Variants in BARX2 observed in about 807,000 individuals in gnomAD.
BARX2 encodes the protein homeobox protein BarH-like 2.
A neutral mutation model predicts 25.5 loss-of-function variants in BARX2; 11 were observed. The ratio of observed to expected loss-of-function variants is 0.43; its 90% CI spans 0.27 to 0.71. BARX2 has a LOEUF of 0.71. BARX2 is among the 30% of genes least tolerant of loss of function. BARX2 has a pLI of 0.19. For missense variants in BARX2, 360 were observed against 359.9 expected (o/e 1.00, Z 0.00); for synonymous variants, 137 against 149.5 (o/e 0.92, Z 0.61).
At chr11:129,422,489 G>T (rs1229909817) in intron 1 of BARX2, among the ~76,000 whole-genome samples, 1 of 151,736 alleles carries the variant, frequency 6.6e-6, no homozygotes, top group African/African-American at 2.4e-5. Context: ...CATTGAGATG[G>T]GGTCTCACTA....
At position 129,390,703 on chromosome 11, in the gene BARX2, C is replaced by T. The variant is rs1043161822; in HGVS notation, c.187+14481C>T. 1.3e-5 allele frequency among the ~76,000 whole-genome samples: 2 copies of T among 152,160 alleles called. No homozygotes were observed. Among genetic ancestry groups the T allele is most frequent in the African/African-American group, 4.8e-5 (2 of 41,434 alleles). ...TTGGAAATGGCCCTGTGAGTACGTGCTTATTTTCAGAGGCGTTCCCCATAA... is the reference window on the plus strand; with the variant it reads ...TTGGAAATGGCCCTGTGAGTACGTGTTTATTTTCAGAGGCGTTCCCCATAA... On this transcript the variant is annotated intron_variant, in intron 1 of 3. Transcript: ENST00000281437. The surrounding 1 kb of genome is among the most constrained non-coding windows in gnomAD (Gnocchi z 4.3).
At chr11:129,433,213 C>T (rs113466035) in intron 1 of BARX2, among the ~76,000 whole-genome samples, 54 of 152,276 alleles carry the variant, frequency 3.5e-4, no homozygotes, top group African/African-American at 1.1e-3. Flanking sequence ...AAGACCAAAA[C>T]GTCAGGCCTC....
chr11:129,381,805 AG>A (rs1261154976), intron 1 of BARX2, among the ~76,000 whole-genome samples: 2 of 152,216 alleles, frequency 1.3e-5, no homozygotes, highest in African/African-American at 4.8e-5. Context: ...AGGAAAAAAA[AG>A]AAGGGAAGAA....
chr11:129,451,429 A>T lies in BARX2; in HGVS notation c.*27A>T, dbSNP rs774455156. 3.1e-6 allele frequency: 5 copies of T among 1,599,550 alleles called. No homozygotes were observed. The highest frequency in any genetic ancestry group is 3.4e-6 in the Non-Finnish European group (4 of 1,169,780). On this transcript the variant is annotated 3_prime_UTR_variant, in exon 4 of 4. Transcript: ENST00000281437. ...GTAAAACCCTTTTGAGGGAAGAGGG[A>T]GACTGGGGAGAAGGGAAAAGAGAGA... is the stretch of plus-strand genomic sequence containing the variant.
intron 1 of BARX2, among the ~76,000 whole-genome samples, chr11:129,422,383 C>T (rs541828449): frequency 6.6e-6 from 1 of 152,240 alleles, no homozygotes; most frequent in East Asian, 1.9e-4. Context: ...ACTGCCTCCT[C>T]CAACTCCTCG....
Position 129,433,908 on chromosome 11 carries a change from A to C in BARX2, c.188-2843A>C, listed in dbSNP as rs532359610. On this transcript the variant is annotated intron_variant, in intron 1 of 3. Transcript: ENST00000281437. ...AAGCTCCATGAAGGTAGGACTTTAT[A>C]GTATTCGTTGCTATCTCCCCAGCTT... is the stretch of plus-strand genomic sequence containing the variant. Among the ~76,000 whole-genome samples the C allele has an allele frequency of 9.1e-4, 139 of 152,292 alleles. 1 individual carries two copies. The highest frequency in any genetic ancestry group is 3.2e-3 in the African/African-American group (133 of 41,556).
At chr11:129,403,222 C>T (rs1441744897) in intron 1 of BARX2, among the ~76,000 whole-genome samples, 1 of 152,218 alleles carries the variant, frequency 6.6e-6, no homozygotes, top group African/African-American at 2.4e-5. Flanking sequence ...ATTGTTTCTT[C>T]TACTGCACTC....
intron 3 of BARX2, among the ~76,000 whole-genome samples, chr11:129,450,335 GA>G (rs2135419138): frequency 6.6e-6 from 1 of 152,318 alleles, no homozygotes; most frequent in South Asian, 2.1e-4. Context: ...GATTAAAAAT[GA>G]TTCATGATCC....
chr11:129,406,396 C>T (rs1411281288), intron 1 of BARX2, among the ~76,000 whole-genome samples: 4 of 152,216 alleles, frequency 2.6e-5, no homozygotes, highest in African/African-American at 7.2e-5. Context: ...TCAGGTCTAC[C>T]CGACACCAGA....
intron 1 of BARX2, among the ~76,000 whole-genome samples, chr11:129,389,735 A>AAT (rs1490129298): frequency 4.6e-5 from 7 of 151,142 alleles, no homozygotes; most frequent in Non-Finnish European, 1.0e-4. Flanking sequence ...TTTGAAAAAA[A>AAT]ATGAAACTAT....
intron 1 of BARX2, among the ~76,000 whole-genome samples, chr11:129,431,078 TCTCAAAGTCCTGGC>T (rs1862123641): frequency 6.6e-6 from 1 of 152,166 alleles, no homozygotes; most frequent in African/African-American, 2.4e-5. Flanking sequence ...GCCAGGCTGG[TCTCAAAGTCCTGGC>T]CTCAAGAGAT....
chr11:129,437,402 G>A (rs1335077226), intron 2 of BARX2: 14 of 995,888 alleles, frequency 1.4e-5, no homozygotes, highest in Non-Finnish European at 1.7e-5. Flanking sequence ...TAGGATTGGA[G>A]GCAGCAGGAC....
intron 2 of BARX2, chr11:129,437,522 G>C: frequency 2.0e-6 from 2 of 986,380 alleles, no homozygotes; most frequent in Non-Finnish European, 2.4e-6. Flanking sequence ...GGACTGGAGG[G>C]ATCCAGTTGA....
In BARX2 at chr11:129,410,515, CTCTT is replaced by C. The variant is rs374185206; in HGVS notation, c.188-26234_188-26231del. Reference sequence around the variant, plus strand: ...TCAGATGTTTAGTGACTTGGGCCGTCTCTTTATCTGCAGGAATGAAGCTCTGAGA... The same window carrying C: ...TCAGATGTTTAGTGACTTGGGCCGTCTATCTGCAGGAATGAAGCTCTGAGA... On this transcript the variant is annotated intron_variant, in intron 1 of 3. Transcript: ENST00000281437. Among the ~76,000 whole-genome samples the C allele has an allele frequency of 1.8e-3, 274 of 152,286 alleles. 1 individual carries two copies. Among genetic ancestry groups the C allele is most frequent in the South Asian group, 5.4e-3 (26 of 4,820 alleles).
chr11:129,414,889 A>G (rs1433551214), intron 1 of BARX2, among the ~76,000 whole-genome samples: 1 of 152,270 alleles, frequency 6.6e-6, no homozygotes, highest in African/African-American at 2.4e-5. Context: ...AGTGCTGTCA[A>G]TAAAACTCCT....
intron 1 of BARX2, among the ~76,000 whole-genome samples, chr11:129,393,232 A>G (rs1861683404): frequency 6.6e-6 from 1 of 152,182 alleles, no homozygotes; most frequent in South Asian, 2.1e-4. Flanking sequence ...AAAATCCTAT[A>G]TCTAAAAACA....
upstream of BARX2, among the ~76,000 whole-genome samples, chr11:129,375,456 G>A (rs1303846569): frequency 1.3e-5 from 2 of 152,060 alleles, no homozygotes; most frequent in African/African-American, 4.8e-5. The surrounding 1 kb of genome is among the most constrained non-coding windows in gnomAD (Gnocchi z 4.0). Flanking sequence ...CGGGTGGCAG[G>A]ACAGGCAGTA....
At chr11:129,393,078 C>T (rs1179973121) in intron 1 of BARX2, among the ~76,000 whole-genome samples, 1 of 151,924 alleles carries the variant, frequency 6.6e-6, no homozygotes, top group African/African-American at 2.4e-5. Context: ...TGAGACCAGC[C>T]TGGGCAACAT....
At chr11:129,400,262 A>G (rs963370710) in intron 1 of BARX2, among the ~76,000 whole-genome samples, 1 of 152,154 alleles carries the variant, frequency 6.6e-6, no homozygotes, top group Non-Finnish European at 1.5e-5. Flanking sequence ...GTACAAACAT[A>G]TTAGAAGTCA....
Sources: allele counts gnomAD v4.1 joint callset (sites outside exome capture counted in the v4.1 genomes callset), GRCh38; gene constraint gnomAD v4.1.1; non-coding constraint Gnocchi (gnomAD v3.1); transcripts MANE v1.5; gene names NCBI Gene and HGNC (gene_info 2026-07-23, HGNC 2026-07-21).